Variants in LAMA1 observed in about 807,000 individuals in gnomAD.
LAMA1 encodes laminin subunit alpha 1, also known as laminin subunit alpha-1.
A neutral mutation model predicts 348.7 loss-of-function variants in LAMA1; 219 were observed. The observed-to-expected ratio is 0.63, with a 90% CI of 0.56 to 0.70. The LOEUF is 0.70. Among genes scored for constraint, LAMA1 ranks in the 30% least tolerant of loss-of-function variants. The pLI is 0.00. For missense variants in LAMA1, 3,744 were observed against 3,888.0 expected (o/e 0.96, Z 0.99); for synonymous variants, 1,487 against 1,491.0 (o/e 1.00, Z 0.06).
At chr18:6,959,307 C>T in intron 54 of LAMA1, 34 bp downstream of exon 54, 1 of 1,613,924 alleles carries the variant, frequency 6.2e-7, no homozygotes, top group Non-Finnish European at 8.5e-7. Context: ...CTCACCACAC[C>T]TTCATTACAC....
intron 58 of LAMA1, among the ~76,000 whole-genome samples, chr18:6,950,576 G>A (rs1033378577): frequency 6.6e-6 from 1 of 152,100 alleles, no homozygotes; most frequent in African/African-American, 2.4e-5. Flanking sequence ...TCTATTTCAC[G>A]TCAGGTACTA....
rs771791845 is a variant in LAMA1 at position 6,943,391 on chromosome 18, A to G, written c.8856T>C (p.His2952=). The stretch of plus-strand genomic sequence containing the variant: ...TTATCCTGCCAGCACCATTGTTGAC[A>G]TGGAACAAGACCTAAAAGCAAATAT... The part of the protein sequence containing the change: ...LELVDGKVLF[H]VNNGAGRITA... The change falls in exon 62 of 63, where the codon CAT becomes CAC. Residue 2952 remains histidine, a synonymous_variant. Coordinates refer to ENST00000389658, the MANE Select transcript of LAMA1 (RefSeq NM_005559.4). 1.9e-6 allele frequency: 3 copies of G among 1,614,180 alleles called. No individual in the cohort carries two copies. The highest frequency in any genetic ancestry group is 1.7e-6 in the Non-Finnish European group (2 of 1,179,996).
chr18:6,943,342 C>A lies in LAMA1; in HGVS notation c.8905G>T (p.Ala2969Ser). 1 of 1,614,104 alleles carries A rather than the reference C, an allele frequency of 6.2e-7. No individual in the cohort carries two copies. The highest frequency in any genetic ancestry group is 1.1e-5 in the South Asian group (1 of 91,078). ...CATTTTCCATCACAGAGCACAGTGG[C>A]GGTTTTGGGCTCATATGCAGCTGTT... ...RITAAYEPKTATVLCDGKWHT... is the reference protein window; with the variant it reads ...RITAAYEPKTSTVLCDGKWHT... Residue 2969 changes from alanine (A) to serine (S), a missense_variant, in exon 62 of 63, where the codon GCC becomes TCC. By Grantham distance (99) the Ala-to-Ser change is moderately conservative. This residue lies in a region of LAMA1 where 232 missense variants were observed against 264.4 expected (regional missense o/e 0.88). Coordinates refer to ENST00000389658, the MANE Select transcript of LAMA1 (RefSeq NM_005559.4).
intron 56 of LAMA1, chr18:6,956,047 A>G (rs1289792901): frequency 3.4e-6 from 1 of 297,434 alleles, no homozygotes; most frequent in Non-Finnish European, 6.5e-6. Flanking sequence ...TTTCTGCTTC[A>G]GCACAGGCAG....
Position 7,042,222 on chromosome 18 carries a change from C to A in LAMA1, c.1184G>T (p.Arg395Leu). 1 of 1,611,380 alleles carries A rather than the reference C, an allele frequency of 6.2e-7. No homozygotes were observed. Among genetic ancestry groups the A allele is most frequent in the Non-Finnish European group, 8.5e-7 (1 of 1,178,386 alleles). ...KVSPYEDEPC[R>L]PCNCDPVGSL... ...CCCCACAGGGTCACAATTACAGGGG[C>A]GGCAAGGCTCATCCTCATAAGGAGA... Residue 395 changes from arginine (R) to leucine (L), a missense_variant, in exon 9 of 63, where the codon CGC (arginine) becomes CTC (leucine). Physicochemically the swap from Arg to Leu is moderately radical, Grantham distance 102 (BLOSUM62 -2). Coordinates refer to ENST00000389658, the MANE Select transcript of LAMA1 (RefSeq NM_005559.4).
intron 46 of LAMA1, among the ~76,000 whole-genome samples, chr18:6,973,599 T>C (rs941751791): frequency 1.3e-5 from 2 of 152,322 alleles, no homozygotes; most frequent in South Asian, 4.1e-4. Context: ...AGAATTTTGC[T>C]TTGTGCCTGA....
At chr18:7,076,780 T>G (rs1317006561) in intron 3 of LAMA1, 2 of 152,162 alleles carry the variant, frequency 1.3e-5, no homozygotes, top group African/African-American at 4.8e-5. Context: ...TGAAATGGTA[T>G]GGTATCTAAT....
chr18:7,064,079 G>A (rs1038279380), intron 3 of LAMA1, among the ~76,000 whole-genome samples: 1 of 152,024 alleles, frequency 6.6e-6, no homozygotes, highest in African/African-American at 2.4e-5. Flanking sequence ...TCTTTGTATT[G>A]AAGGCAGGAA....
chr18:7,016,554 C>A lies in LAMA1; in HGVS notation c.2926G>T (p.Ala976Ser), dbSNP rs371127795. ...EGQCHCVPGV[A>S]GKRCDRCAHG... ...GCACACCTGTCACACCTTTTCCCTGCCACACCTGGGACACAGTGACACTGG... is the reference window on the plus strand; with the variant it reads ...GCACACCTGTCACACCTTTTCCCTGACACACCTGGGACACAGTGACACTGG... The change falls in exon 21 of 63, where the codon GCA (alanine) becomes TCA (serine). Residue 976 changes from alanine to serine, a missense_variant. This residue lies in a region of LAMA1 where 1,529 missense variants were observed against 1,689.4 expected (regional missense o/e 0.91). Transcript: ENST00000389658. The A allele has an allele frequency of 3.1e-6, 5 of 1,614,056 alleles. No individual in the cohort carries two copies. In the African/African-American group the frequency reaches 4.0e-5, roughly 13 times the overall value.
intron 3 of LAMA1, among the ~76,000 whole-genome samples, chr18:7,077,143 T>C (rs1598307904): frequency 6.6e-6 from 1 of 151,754 alleles, no homozygotes; most frequent in Non-Finnish European, 1.5e-5. Flanking sequence ...CCTAAAACAC[T>C]AAAAATTACC....
chr18:7,108,171 A>C (rs1319439347), intron 1 of LAMA1, among the ~76,000 whole-genome samples: 1 of 150,890 alleles, frequency 6.6e-6, no homozygotes, highest in African/African-American at 2.4e-5. Context: ...CTCCGTCTCT[A>C]CTAAAAATAC....
chr18:6,949,054 C>A (rs1568002912), intron 59 of LAMA1, 47 bp downstream of exon 59: 1 of 1,611,734 alleles, frequency 6.2e-7, no homozygotes, highest in East Asian at 2.2e-5. Flanking sequence ...ACAAAATAAA[C>A]ACGAACACAA....
intron 51 of LAMA1, 82 bp from the exon 52 acceptor site, chr18:6,962,141 G>T: frequency 1.1e-6 from 1 of 936,922 alleles, no homozygotes; most frequent in Non-Finnish European, 1.8e-6. Flanking sequence ...AAGCCACTGG[G>T]CAAGGCACAG....
At position 6,958,520 on chromosome 18, in the gene LAMA1, T is replaced by C. The variant is rs752394145; in HGVS notation, c.7921A>G (p.Arg2641Gly). 10 of 1,614,094 alleles carry C rather than the reference T, an allele frequency of 6.2e-6. No individual in the cohort carries two copies. In the African/African-American group the frequency reaches 1.2e-4, roughly 19 times the overall value. ...TTTTTGATACAGCCATGGAACGATCTTCTCATTGTGAGCAGTGACGTCCCC... is the reference window on the plus strand; with the variant it reads ...TTTTTGATACAGCCATGGAACGATCCTCTCATTGTGAGCAGTGACGTCCCC... ...GEGTSLLTMR[R>G]SFHGCIKNLI... The change falls in exon 55 of 63, where the codon AGA becomes GGA. Residue 2641 changes from arginine (R) to glycine (G), a missense_variant. Coordinates refer to ENST00000389658, the MANE Select transcript of LAMA1 (RefSeq NM_005559.4).
At chr18:7,058,884 A>G (rs1397073122) in intron 3 of LAMA1, among the ~76,000 whole-genome samples, 3 of 152,086 alleles carry the variant, frequency 2.0e-5, no homozygotes, top group African/African-American at 7.2e-5. Flanking sequence ...GTCTGTTAGT[A>G]TGTAGATTTT....
At chr18:6,952,199 CG>C (rs2057549959) in intron 57 of LAMA1, among the ~76,000 whole-genome samples, 1 of 152,128 alleles carries the variant, frequency 6.6e-6, no homozygotes, top group Non-Finnish European at 1.5e-5. Context: ...CTGAGGAAGG[CG>C]GGCCGAGAGA....
chr18:6,999,489 T>A lies in LAMA1; in HGVS notation c.4619A>T (p.Asp1540Val). The A allele has an allele frequency of 1.9e-6, 3 of 1,614,156 alleles. No homozygotes were observed. Among genetic ancestry groups the A allele is most frequent in the Non-Finnish European group, 2.5e-6 (3 of 1,180,018 alleles). Residue 1540 changes from aspartate (D) to valine (V), a missense_variant, in exon 32 of 63, where the codon GAT (aspartate) becomes GTT (valine). By Grantham distance (152) the Asp-to-Val change is radical. Transcript: ENST00000389658. ...CAGAATGTGCCTCGGTTCACACTCA[T>A]CGCACCGGAGCCCCGAGGCCCCCAG... ...CRLGASGLRC[D>V]ECEPRHILME...
intron 57 of LAMA1, 78 bp downstream of exon 57, chr18:6,955,275 A>C: frequency 8.8e-7 from 1 of 1,140,064 alleles, no homozygotes; most frequent in Middle Eastern, 1.9e-4. Context: ...GTTCTTTTGG[A>C]AAAGACTCTG....
rs1432154946 is a variant in LAMA1 at position 7,080,339 on chromosome 18, G to A, written c.180C>T (p.Pro60=). 7.4e-6 allele frequency: 12 copies of A among 1,614,112 alleles called. No individual in the cohort carries two copies. The highest frequency in any genetic ancestry group is 1.1e-5 in the South Asian group (1 of 91,090). Reference sequence around the variant, plus strand: ...AGATCCGGCACTGTGGGTTTCGGACGGGCCGACCTGGCACATGCTCCACAA... The same window carrying A: ...AGATCCGGCACTGTGGGTTTCGGACAGGCCGACCTGGCACATGCTCCACAA... ...CKLVEHVPGR[P]VRNPQCRICD... The change falls in exon 2 of 63, where the codon CCC becomes CCT. Residue 60 remains proline (P), a synonymous_variant. Transcript: ENST00000389658.
Sources: allele counts gnomAD v4.1 joint callset (sites outside exome capture counted in the v4.1 genomes callset), GRCh38; gene constraint gnomAD v4.1.1; regional missense constraint gnomAD v4.1.1; transcripts MANE v1.5; gene names NCBI Gene and HGNC (gene_info 2026-07-23, HGNC 2026-07-21).